The following LRCH3 variants were observed in gnomAD, a reference collection of about 807,000 sequenced individuals.
The protein encoded by LRCH3 is leucine rich repeats and calponin homology domain containing 3.
Under a neutral mutation model 104.5 loss-of-function variants are expected in LRCH3, and 68 were observed. That is an observed-to-expected ratio of 0.65 (90% confidence interval 0.54 to 0.80). The LOEUF is 0.80. LRCH3 is among the 30% of genes least tolerant of loss of function. The probability of loss-of-function intolerance (pLI) is 0.00; values close to 1 mark genes in which losing one functional copy is unlikely to be tolerated. For missense variants in LRCH3, 951 were observed against 953.9 expected (o/e 1.00, Z 0.04); for synonymous variants, 344 against 361.3 (o/e 0.95, Z 0.54).
chr3:197,818,411 T>A (rs891582706), intron 3 of LRCH3, among the ~76,000 whole-genome samples: 1 of 152,208 alleles, frequency 6.6e-6, no homozygotes, highest in Non-Finnish European at 1.5e-5. Context: ...AGGGGTATGG[T>A]TTCGTGTAGG....
intron 1 of LRCH3, among the ~76,000 whole-genome samples, chr3:197,791,933 G>C (rs1255265162): frequency 1.3e-5 from 2 of 152,192 alleles, no homozygotes; most frequent in Non-Finnish European, 2.9e-5. Flanking sequence ...GATCAGAGTA[G>C]CAGGGGTGTC....
At position 197,870,338 on chromosome 3, in the gene LRCH3, G is replaced by C. The variant is rs148022997; in HGVS notation, c.1992+60G>C. On this transcript the variant is annotated intron_variant, in intron 18 of 20. Transcript: ENST00000425562. ...TATTACTGCTATAGATCATAATCCT[G>C]TGATCACGTCTTCATTTGACACATC... The C allele has an allele frequency of 1.9e-4, 282 of 1,447,142 alleles. No individual in the cohort carries two copies. In the East Asian group the frequency reaches 6.1e-3, roughly 31 times the overall value. The allele number at this position is 1,447,142 out of a possible 1,614,324, so 89.6% of individuals were successfully genotyped here. A position where few individuals can be genotyped will look rare whatever the true frequency, so the allele number is the denominator to read the frequency against.
chr3:197,875,619 A>C, intron 19 of LRCH3, 79 bp from the exon 20 acceptor site: 1 of 1,064,190 alleles, frequency 9.4e-7, no homozygotes, highest in African/African-American at 1.6e-5. Flanking sequence ...GCGCCACTGC[A>C]CTCCAGCCTG....
intron 8 of LRCH3, among the ~76,000 whole-genome samples, chr3:197,835,216 C>T (rs1736592510): frequency 6.6e-6 from 1 of 151,782 alleles, no homozygotes; most frequent in African/African-American, 2.4e-5. Context: ...CGGAGTCTTG[C>T]TATGTCACCC....
chr3:197,835,792 G>A lies in LRCH3; in HGVS notation c.1221G>A (p.Ala407=), dbSNP rs775235621. Residue 407 remains alanine (A), a synonymous_variant, in exon 9 of 21, where the codon GCG becomes GCA. Transcript: ENST00000425562. ...ACAGCCTTAGTTCACAGTTTATGGC[G>A]TATATTGAACAGCGGCGAATCTCTC... ...DPDSLSSQFM[A]YIEQRRISHE... 26 of 1,613,984 alleles carry A rather than the reference G, an allele frequency of 1.6e-5. No homozygotes were observed. Among genetic ancestry groups the A allele is most frequent in the African/African-American group, 6.7e-5 (5 of 74,900 alleles).
intron 20 of LRCH3, chr3:197,882,108 T>C: frequency 1.0e-6 from 1 of 985,430 alleles, no homozygotes; most frequent in Non-Finnish European, 1.2e-6. Flanking sequence ...GTTGTAATTG[T>C]ACATTCTCTT....
intron 10 of LRCH3, among the ~76,000 whole-genome samples, chr3:197,843,309 G>A (rs1361848690): frequency 6.6e-6 from 1 of 152,012 alleles, no homozygotes; most frequent in Non-Finnish European, 1.5e-5. Flanking sequence ...TGTAAATAAA[G>A]AAAAACAGAG....
At position 197,839,398 on chromosome 3, in the gene LRCH3, G is replaced by A; in HGVS notation, c.1328+1G>A. ...TGAGAAGATATTTACATCAAAACAG[G>A]TTTGAAAAACCAATTCTACTTAATT... is the stretch of plus-strand genomic sequence containing the variant. On this transcript the variant is annotated splice_donor_variant, in intron 10 of 20. Coordinates refer to ENST00000425562, the MANE Select transcript of LRCH3 (RefSeq NM_001365715.1). LOFTEE classifies it high-confidence loss of function. 1 of 1,561,416 alleles carries A rather than the reference G, an allele frequency of 6.4e-7. No homozygotes were observed. Among genetic ancestry groups the A allele is most frequent in the Non-Finnish European group, 8.7e-7 (1 of 1,153,092 alleles).
At chr3:197,879,579 G>C (rs1262205275) in intron 20 of LRCH3, among the ~76,000 whole-genome samples, 2 of 151,960 alleles carry the variant, frequency 1.3e-5, no homozygotes, top group Non-Finnish European at 2.9e-5. Flanking sequence ...CCGGGAGGCG[G>C]AGCTTGCAGT....
At chr3:197,831,812 G>C (rs377755925) in intron 7 of LRCH3, among the ~76,000 whole-genome samples, 165 of 152,036 alleles carry the variant, frequency 1.1e-3, no homozygotes, top group Middle Eastern at 6.8e-3. Context: ...TTAGAGACAT[G>C]CTCTCCCTAT....
intron 18 of LRCH3, 58 bp downstream of exon 18, chr3:197,870,336 C>A (rs1056955979): frequency 9.5e-6 from 14 of 1,467,840 alleles, no homozygotes; most frequent in Non-Finnish European, 1.3e-5. Flanking sequence ...GATCATAATC[C>A]TGTGATCACG....
At chr3:197,827,562 C>T (rs1173541308) in intron 5 of LRCH3, among the ~76,000 whole-genome samples, 1 of 152,100 alleles carries the variant, frequency 6.6e-6, no homozygotes, top group African/African-American at 2.4e-5. Flanking sequence ...AAAATGGATT[C>T]ACATACATAT....
intron 10 of LRCH3, among the ~76,000 whole-genome samples, chr3:197,843,464 C>T (rs1195744391): frequency 6.6e-6 from 1 of 152,108 alleles, no homozygotes; most frequent in Non-Finnish European, 1.5e-5. Context: ...AGGTGGATCC[C>T]CTAAGGTCAG....
At position 197,814,601 on chromosome 3, in the gene LRCH3, AG is replaced by A. The variant is rs150200507; in HGVS notation, c.263-306del. 4.4e-4 allele frequency among the ~76,000 whole-genome samples: 67 copies of A among 152,260 alleles called. 1 individual carries two copies. Among genetic ancestry groups the A allele is most frequent in the Admixed American group, 1.4e-3 (22 of 15,290 alleles). ...CCATTGGGAACAAAGATGGTTCCTG[AG>A]TCTTTGTGACCTGACCTTGATCATC... On this transcript the variant is annotated intron_variant, in intron 1 of 20. Transcript: ENST00000425562.
chr3:197,883,456 G>T lies in LRCH3; in HGVS notation c.2209-85G>T. The stretch of plus-strand genomic sequence containing the variant: ...TCTAAGTTGATGATTGTGAAGGGGA[G>T]AAGTGCTTATTTTTTCCTTTCAGTT... On this transcript the variant is annotated intron_variant, in intron 20 of 20. Coordinates refer to ENST00000425562, the MANE Select transcript of LRCH3 (RefSeq NM_001365715.1). This position sits in a 1 kb window ranked among gnomAD's most constrained non-coding sequence, Gnocchi z 4.2. 6.9e-7 allele frequency: 1 copy of T among 1,455,704 alleles called. No homozygotes were observed. The highest frequency in any genetic ancestry group is 9.1e-7 in the Non-Finnish European group (1 of 1,098,206). The allele number at this position is 1,455,704 out of a possible 1,614,324, so 90.2% of individuals were successfully genotyped here.
intron 12 of LRCH3, chr3:197,850,811 C>G: frequency 8.4e-7 from 1 of 1,186,240 alleles, no homozygotes; most frequent in Admixed American, 1.7e-5. Flanking sequence ...TGACATCTTT[C>G]AGATACTTCG....
chr3:197,796,113 T>C (rs1049025683), intron 1 of LRCH3, among the ~76,000 whole-genome samples: 2 of 152,182 alleles, frequency 1.3e-5, no homozygotes, highest in Non-Finnish European at 2.9e-5. Flanking sequence ...CTGCCTTTCG[T>C]ATATGAGGAA....
intron 2 of LRCH3, 77 bp from the exon 3 acceptor site, chr3:197,817,099 G>A: frequency 7.6e-7 from 1 of 1,315,350 alleles, no homozygotes; most frequent in Non-Finnish European, 1.0e-6. Context: ...ATTTTACTGA[G>A]TATAGCGTGA....
At chr3:197,861,491 A>G (rs1337178423) in intron 15 of LRCH3, among the ~76,000 whole-genome samples, 1 of 152,208 alleles carries the variant, frequency 6.6e-6, no homozygotes, top group Non-Finnish European at 1.5e-5. Context: ...GACAGACCAC[A>G]GTGTCTTGTT....
Sources: gnomAD v4.1 joint callset for allele counts (sites outside exome capture counted in the v4.1 genomes callset) on GRCh38, gnomAD v4.1.1 for gene constraint, Gnocchi (gnomAD v3.1) non-coding constraint, MANE v1.5 for transcripts, NCBI Gene and HGNC (gene_info 2026-07-23, HGNC 2026-07-21) for gene names.